Variants in GUCY1A2 observed in about 807,000 individuals in gnomAD.
GUCY1A2 encodes guanylate cyclase soluble subunit alpha-2.
GUCY1A2 carries 27 observed loss-of-function variants against 63.5 expected under a neutral mutation model. The observed-to-expected ratio is 0.43, with a 90% CI of 0.31 to 0.59. The LOEUF is 0.59. GUCY1A2 is among the 20% of genes least tolerant of loss of function. The pLI is 0.11. For missense variants in GUCY1A2, 768 were observed against 913.3 expected (o/e 0.84, Z 2.05); for synonymous variants, 364 against 343.5 (o/e 1.06, Z -0.66).
At chr11:106,848,770 C>T (rs1485944956) in intron 4 of GUCY1A2, among the ~76,000 whole-genome samples, 1 of 151,560 alleles carries the variant, frequency 6.6e-6, no homozygotes, top group East Asian at 1.9e-4. Context: ...CTGCCAAGGA[C>T]CTCCTATGAA....
intron 4 of GUCY1A2, among the ~76,000 whole-genome samples, chr11:106,903,692 T>G (rs1403242001): frequency 6.6e-6 from 1 of 152,198 alleles, no homozygotes; most frequent in East Asian, 1.9e-4. Flanking sequence ...CAAAGGAGAC[T>G]GCCAAGGGCA....
chr11:106,885,714 TATGAG>T (rs1324802199), intron 4 of GUCY1A2, among the ~76,000 whole-genome samples: 2 of 152,158 alleles, frequency 1.3e-5, no homozygotes, highest in Non-Finnish European at 2.9e-5. Context: ...ATATAGATTA[TATGAG>T]ATAACAAGTG....
intron 4 of GUCY1A2, among the ~76,000 whole-genome samples, chr11:106,903,047 T>C (rs184559881): frequency 1.3e-5 from 2 of 152,286 alleles, no homozygotes; most frequent in African/African-American, 2.4e-5. Flanking sequence ...ACTTCAAATA[T>C]GTCCAATGAC....
chr11:106,720,914 G>T (rs958908922), intron 6 of GUCY1A2, among the ~76,000 whole-genome samples: 1 of 152,178 alleles, frequency 6.6e-6, no homozygotes, highest in African/African-American at 2.4e-5. Flanking sequence ...TACCATATTA[G>T]TTCTGGGTGA....
At chr11:106,947,036 G>T (rs2120002966) in intron 3 of GUCY1A2, among the ~76,000 whole-genome samples, 1 of 152,124 alleles carries the variant, frequency 6.6e-6, no homozygotes, top group South Asian at 2.1e-4. Context: ...GGCCAAGATG[G>T]TGAAACCCAT....
At chr11:106,759,320 T>A (rs1343114572) in intron 6 of GUCY1A2, among the ~76,000 whole-genome samples, 1 of 152,134 alleles carries the variant, frequency 6.6e-6, no homozygotes, top group Non-Finnish European at 1.5e-5. Flanking sequence ...GTAATGTCCA[T>A]CAATTCCAGA....
rs903723623 is a variant in GUCY1A2, at chr11:106,979,691, C to T, written c.366-951G>A. 2.6e-5 allele frequency among the ~76,000 whole-genome samples: 4 copies of T among 152,050 alleles called. No individual in the cohort carries two copies. The East Asian group carries it at 5.8e-4, about 22-fold the overall frequency. ...ATATTGGCTGGGACTTTTTGAGTTG[C>T]CTCTGAATGAGAGCTAAGACAAAAA... On this transcript the variant is annotated intron_variant, in intron 2 of 7. Transcript: ENST00000526355.
chr11:106,944,257 CA>C, intron 3 of GUCY1A2, among the ~76,000 whole-genome samples: 1 of 109,844 alleles, frequency 9.1e-6, no homozygotes, highest in African/African-American at 3.4e-5. Flanking sequence ...CCAGCCTGGG[CA>C]ACATGCCTAA....
chr11:106,817,224 CA>C (rs2135428185), intron 4 of GUCY1A2, among the ~76,000 whole-genome samples: 1 of 152,154 alleles, frequency 6.6e-6, no homozygotes, highest in South Asian at 2.1e-4. Flanking sequence ...CCAAATTAAA[CA>C]ATCACAATAT....
intron 4 of GUCY1A2, among the ~76,000 whole-genome samples, chr11:106,832,294 T>C (rs572408967): frequency 5.3e-4 from 80 of 152,284 alleles, no homozygotes; most frequent in Middle Eastern, 3.4e-3. Context: ...AAGCAGTGTA[T>C]AAATTAATAC....
At chr11:106,688,713 G>A (rs1333096988) in intron 7 of GUCY1A2, among the ~76,000 whole-genome samples, 1 of 152,110 alleles carries the variant, frequency 6.6e-6, no homozygotes, top group Admixed American at 6.6e-5. Flanking sequence ...AAGTAGACAC[G>A]AAAATTGCAG....
intron 6 of GUCY1A2, among the ~76,000 whole-genome samples, chr11:106,733,475 A>G (rs918456791): frequency 6.6e-6 from 1 of 152,156 alleles, no homozygotes; most frequent in African/African-American, 2.4e-5. Context: ...TTCCCTTACC[A>G]GAAAGTCTCA....
At chr11:106,693,383 T>A (rs139270344) in intron 7 of GUCY1A2, among the ~76,000 whole-genome samples, 3 of 152,208 alleles carry the variant, frequency 2.0e-5, no homozygotes, top group Non-Finnish European at 4.4e-5. Flanking sequence ...CTCCTAGTCT[T>A]TTTTATCATC....
At chr11:106,779,356 C>T (rs1864418380) in intron 5 of GUCY1A2, among the ~76,000 whole-genome samples, 1 of 152,138 alleles carries the variant, frequency 6.6e-6, no homozygotes, top group Admixed American at 6.5e-5. Flanking sequence ...AAAGAATAAA[C>T]ATCTAAAATG....
chr11:106,925,155 AAAAG>A (rs1860504658), intron 4 of GUCY1A2, among the ~76,000 whole-genome samples: 1 of 152,098 alleles, frequency 6.6e-6, no homozygotes, highest in African/African-American at 2.4e-5. Context: ...AAAAGTTTTC[AAAAG>A]AGAGAGAGAG....
At chr11:106,935,010 A>G (rs1180217185) in intron 4 of GUCY1A2, among the ~76,000 whole-genome samples, 1 of 152,240 alleles carries the variant, frequency 6.6e-6, no homozygotes, top group African/African-American at 2.4e-5. Flanking sequence ...CTCGATTCCA[A>G]ACCTTCATCA....
At position 107,004,271 on chromosome 11, in the gene GUCY1A2, C is replaced by T. The variant is rs377314759; in HGVS notation, c.303+13482G>A. On this transcript the variant is annotated intron_variant, in intron 1 of 7. Transcript: ENST00000526355. ...GGAGTTAAACAGAACAAGATTCCAA[C>T]CTTATTTCCGTCAGTAATTAACTGT... is the stretch of plus-strand genomic sequence containing the variant. 2.0e-5 allele frequency among the ~76,000 whole-genome samples: 3 copies of T among 152,140 alleles called. No individual in the cohort carries two copies. The East Asian group carries it at 5.8e-4, about 29-fold the overall frequency.
At chr11:106,764,630 G>A (rs1864126750) in intron 6 of GUCY1A2, among the ~76,000 whole-genome samples, 1 of 152,110 alleles carries the variant, frequency 6.6e-6, no homozygotes. Context: ...ACAGGTGTAT[G>A]TGTATATGCA....
intron 4 of GUCY1A2, among the ~76,000 whole-genome samples, chr11:106,825,666 G>GATGTCC (rs1858959722): frequency 6.6e-6 from 1 of 151,596 alleles, no homozygotes; most frequent in African/African-American, 2.4e-5. Flanking sequence ...GTAGATCAGG[G>GATGTCC]ATGTCCAATC....
Sources: allele counts gnomAD v4.1 joint callset (sites outside exome capture counted in the v4.1 genomes callset), GRCh38; gene constraint gnomAD v4.1.1; transcripts MANE v1.5; gene names NCBI Gene and HGNC (gene_info 2026-07-23, HGNC 2026-07-21).